The following GRIP1 variants were observed in gnomAD, a reference collection of about 807,000 sequenced individuals.
The protein encoded by GRIP1 is glutamate receptor-interacting protein 1.
In GRIP1, 45 loss-of-function variants were observed where a neutral mutation model predicts 129.9. That is an observed-to-expected ratio of 0.35 (90% CI 0.27 to 0.44). The LOEUF is 0.44. Among genes scored for constraint, GRIP1 ranks in the 20% least tolerant of loss-of-function variants. The pLI, the probability that GRIP1 is intolerant of heterozygous loss-of-function variation, is 1.00. For missense variants in GRIP1, 1,196 were observed against 1,396.8 expected, an observed-to-expected ratio of 0.86 and a Z score of 2.29; for synonymous variants, 530 against 520.8, an observed-to-expected ratio of 1.02 and a Z score of -0.24.
At chr12:66,539,362 T>C in intron 3 of GRIP1, 139 bp from the exon 4 acceptor site, 2 of 1,060,424 alleles carry the variant, frequency 1.9e-6, no homozygotes, top group Non-Finnish European at 2.9e-6. Context: ...CCCTGCCTCC[T>C]AGGAGACGGT....
intron 5 of GRIP1, 48 bp downstream of exon 5, chr12:66,529,783 C>G (rs754856081): frequency 1.0e-6 from 1 of 1,004,970 alleles, no homozygotes; most frequent in East Asian, 2.4e-5. Flanking sequence ...TCTCTGAAAA[C>G]CTATGGAAAT....
chr12:66,697,004 G>T (rs2035189096), intron 1 of GRIP1, among the ~76,000 whole-genome samples: 1 of 152,138 alleles, frequency 6.6e-6, no homozygotes, highest in South Asian at 2.1e-4. Flanking sequence ...AAAGCACAAA[G>T]TAACTTCTGT....
chr12:66,601,740 A>G (rs1021091302), intron 1 of GRIP1, among the ~76,000 whole-genome samples: 11 of 152,242 alleles, frequency 7.2e-5, no homozygotes, highest in Admixed American at 4.6e-4. Flanking sequence ...GGCATGCCAC[A>G]GTGTTCATGC....
intron 1 of GRIP1, among the ~76,000 whole-genome samples, chr12:67,028,072 C>T (rs1274673524): frequency 7.2e-5 from 11 of 152,160 alleles, no homozygotes; most frequent in South Asian, 6.2e-4. Flanking sequence ...TCTCTGGTCA[C>T]CTGGATATTT....
intron 1 of GRIP1, among the ~76,000 whole-genome samples, chr12:66,604,457 C>T (rs912212058): frequency 1.1e-4 from 16 of 152,128 alleles, no homozygotes; most frequent in African/African-American, 3.1e-4. Context: ...GCCTCATCAC[C>T]GAAGAATCAA....
chr12:66,475,104 C>T (rs531019130), intron 7 of GRIP1, among the ~76,000 whole-genome samples: 26 of 152,160 alleles, frequency 1.7e-4, no homozygotes, highest in African/African-American at 5.8e-4. Context: ...CAGAGACACA[C>T]ATAGGATCAA....
chr12:66,784,787 CCTCCT>C (rs2038268832), intron 1 of GRIP1, among the ~76,000 whole-genome samples: 1 of 151,858 alleles, frequency 6.6e-6, no homozygotes, highest in African/African-American at 2.4e-5. Context: ...GTACCTCCAA[CCTCCT>C]CTCTGTTATT....
At chr12:66,871,730 C>T (rs1362829340) in intron 1 of GRIP1, among the ~76,000 whole-genome samples, 1 of 152,074 alleles carries the variant, frequency 6.6e-6, no homozygotes, top group African/African-American at 2.4e-5. Context: ...TTTATTTCAT[C>T]TCTTCTGATA....
chr12:66,979,235 A>AC (rs773646990), intron 1 of GRIP1, among the ~76,000 whole-genome samples: 11,695 of 136,244 alleles, frequency 0.086, 746 homozygotes, highest in Non-Finnish European at 0.11. Context: ...AAAAAAAAAA[A>AC]AAAAAAAAAA....
intron 2 of GRIP1, among the ~76,000 whole-genome samples, chr12:66,583,701 C>G (rs1386341537): frequency 1.4e-5 from 2 of 139,294 alleles, no homozygotes; most frequent in African/African-American, 5.2e-5. Context: ...ATCAAAACCA[C>G]AGTGATATAC....
At chr12:67,022,841 T>C (rs2042888172) in intron 1 of GRIP1, among the ~76,000 whole-genome samples, 1 of 152,132 alleles carries the variant, frequency 6.6e-6, no homozygotes, top group African/African-American at 2.4e-5. Flanking sequence ...AGGTAGTTTT[T>C]CCACCCACAC....
chr12:66,726,041 C>T (rs761821115), intron 1 of GRIP1, among the ~76,000 whole-genome samples: 7 of 152,150 alleles, frequency 4.6e-5, no homozygotes, highest in African/African-American at 1.7e-4. Flanking sequence ...TATCTCCTAG[C>T]CTCACTGAAT....
intron 2 of GRIP1, among the ~76,000 whole-genome samples, chr12:66,555,247 G>C (rs895313275): frequency 2.6e-5 from 4 of 152,168 alleles, no homozygotes; most frequent in African/African-American, 9.6e-5. Context: ...AAGACAGTAA[G>C]AGTCTCTACC....
chr12:66,729,052 AT>A (rs11290586), intron 1 of GRIP1, among the ~76,000 whole-genome samples: 71,085 of 146,814 alleles, frequency 0.48, 17,300 homozygotes, highest in African/African-American at 0.58. Flanking sequence ...AAATACGTTA[AT>A]TTTTTTTTTT....
intron 1 of GRIP1, among the ~76,000 whole-genome samples, chr12:67,064,492 G>T (rs1052926196): frequency 1.3e-5 from 2 of 152,198 alleles, no homozygotes; most frequent in African/African-American, 4.8e-5. Flanking sequence ...TTACAGGCAT[G>T]TTATAAGACT....
intron 1 of GRIP1, among the ~76,000 whole-genome samples, chr12:66,638,695 C>T (rs1023471038): frequency 5.9e-5 from 9 of 152,112 alleles, no homozygotes; most frequent in Non-Finnish European, 1.2e-4. Context: ...TTAGGCCCTT[C>T]TTTAAAGGTC....
At chr12:66,659,029 C>T (rs2033342134) in intron 1 of GRIP1, among the ~76,000 whole-genome samples, 1 of 152,168 alleles carries the variant, frequency 6.6e-6, no homozygotes, top group Non-Finnish European at 1.5e-5. Flanking sequence ...CCTGCTCTAG[C>T]AATACTGTGC....
chr12:66,857,141 C>T (rs1380681217), intron 1 of GRIP1, among the ~76,000 whole-genome samples: 2 of 150,666 alleles, frequency 1.3e-5, no homozygotes, highest in African/African-American at 2.4e-5. Flanking sequence ...CCAAACACCG[C>T]ATGTTCTCAC....
intron 5 of GRIP1, among the ~76,000 whole-genome samples, chr12:66,523,296 A>T (rs957360922): frequency 1.3e-5 from 2 of 150,292 alleles, no homozygotes; most frequent in African/African-American, 4.9e-5. Context: ...CGGGTTACCC[A>T]CAAAGGGAAG....
Sources: allele counts gnomAD v4.1 joint callset (sites outside exome capture counted in the v4.1 genomes callset), GRCh38; gene constraint gnomAD v4.1.1; transcripts MANE v1.5; gene names NCBI Gene and HGNC (gene_info 2026-07-23, HGNC 2026-07-21).